DOCK10: variants seen among roughly 807,000 people sequenced by gnomAD.
DOCK10 encodes dedicator of cytokinesis 10.
Under a neutral mutation model 280.1 loss-of-function variants are expected in DOCK10, and 145 were observed. The observed-to-expected ratio is 0.52, with a 90% CI of 0.45 to 0.59. The LOEUF (loss-of-function observed/expected upper bound fraction) is 0.59. Ranked by LOEUF, DOCK10 falls within the 20% of genes least tolerant of loss-of-function variation. The pLI, the probability that DOCK10 is intolerant of heterozygous loss-of-function variation, is 0.00. For missense variants in DOCK10, 2,368 were observed against 2,651.7 expected (o/e 0.89, Z 2.35); for synonymous variants, 915 against 942.2 (o/e 0.97, Z 0.53).
At chr2:224,985,839 T>C (rs1705959893) in intron 1 of DOCK10, among the ~76,000 whole-genome samples, 1 of 145,278 alleles carries the variant, frequency 6.9e-6, no homozygotes, top group African/African-American at 2.9e-5. Flanking sequence ...GCTGTACATG[T>C]TGATATATCC....
chr2:224,885,734 A>G lies in DOCK10; in HGVS notation c.684T>C (p.Asp228=). 6.2e-7 allele frequency: 1 copy of G among 1,613,830 alleles called. No individual in the cohort carries two copies. Among genetic ancestry groups the G allele is most frequent in the Non-Finnish European group, 8.5e-7 (1 of 1,179,814 alleles). The change falls in exon 7 of 56, where the codon GAT becomes GAC. Residue 228 remains aspartate (D), a synonymous_variant. Transcript: ENST00000258390. ...DNSYIMNFYK[D]EKISKEPKGC... ...CTTTGGGTTCTTTGGATATTTTCTC[A>G]TCTTTGTAAAAGTTCATAATGTAGG... is the stretch of plus-strand genomic sequence containing the variant.
chr2:225,015,146 A>G (rs1689555529), intron 1 of DOCK10, among the ~76,000 whole-genome samples: 1 of 152,204 alleles, frequency 6.6e-6, no homozygotes, highest in Admixed American at 6.5e-5. Context: ...AGTGCATGTT[A>G]CAAAGTTTGT....
chr2:225,031,366 C>T (rs1399166629), intron 1 of DOCK10, among the ~76,000 whole-genome samples: 3 of 152,172 alleles, frequency 2.0e-5, no homozygotes, highest in South Asian at 2.1e-4. Context: ...CTCACCATGC[C>T]GCCTTGTGCA....
At chr2:224,958,840 C>T (rs1704201859) in intron 1 of DOCK10, among the ~76,000 whole-genome samples, 1 of 152,148 alleles carries the variant, frequency 6.6e-6, no homozygotes, top group South Asian at 2.1e-4. Flanking sequence ...TTGTGAACAG[C>T]AGAAAAGAGT....
At position 224,988,798 on chromosome 2, in the gene DOCK10, C is replaced by T. The variant is rs114262155; in HGVS notation, c.123+53454G>A. 1.3e-3 allele frequency among the ~76,000 whole-genome samples: 200 copies of T among 152,274 alleles called. 3 individuals carry two copies. Among genetic ancestry groups the T allele is most frequent in the African/African-American group, 4.5e-3 (188 of 41,552 alleles). ...ACCAGTCTTTAATGAATTTGATAAACGAATTTTTTTAAGGTGCTGTGTTTA... is the reference window on the plus strand; with the variant it reads ...ACCAGTCTTTAATGAATTTGATAAATGAATTTTTTTAAGGTGCTGTGTTTA... On this transcript the variant is annotated intron_variant, in intron 1 of 55. Coordinates refer to ENST00000258390, the MANE Select transcript of DOCK10 (RefSeq NM_014689.3).
At position 224,778,463 on chromosome 2, in the gene DOCK10, A is replaced by G. The variant is rs1691036522; in HGVS notation, c.5656-179T>C. ...AAACACAGTGAGAAAATAAAGTATC[A>G]TCTTATAATCAGACATTAATGTAAA... On this transcript the variant is annotated intron_variant, in intron 50 of 55. Coordinates refer to ENST00000258390, the MANE Select transcript of DOCK10 (RefSeq NM_014689.3). 4.4e-6 allele frequency: 3 copies of G among 674,628 alleles called. No homozygotes were observed. The African/African-American group carries it at 5.4e-5, about 12-fold the overall frequency. The allele number at this position is 674,628 out of a possible 1,614,324, so 41.8% of individuals were successfully genotyped here. A position where few individuals can be genotyped will look rare whatever the true frequency, so the allele number is the denominator to read the frequency against.
intron 13 of DOCK10, 144 bp from the exon 14 acceptor site, chr2:224,862,890 A>G (rs1697613478): frequency 2.2e-6 from 1 of 452,850 alleles, no homozygotes; most frequent in Non-Finnish European, 3.8e-6. Context: ...CCTTATAAAG[A>G]GCCAAATGGT....
intron 2 of DOCK10, among the ~76,000 whole-genome samples, chr2:224,921,112 A>AAAAAAAATAT: frequency 5.3e-4 from 29 of 54,410 alleles, no homozygotes; most frequent in African/African-American, 4.2e-3. Flanking sequence ...AAAAAAAAAA[A>AAAAAAAATAT]ATATATATAT....
At chr2:224,767,893 T>C (rs1167764325) in intron 55 of DOCK10, among the ~76,000 whole-genome samples, 2 of 149,862 alleles carry the variant, frequency 1.3e-5, no homozygotes, top group East Asian at 3.9e-4. Context: ...TATTTTGATG[T>C]GTAGCTATCC....
intron 7 of DOCK10, among the ~76,000 whole-genome samples, chr2:224,884,089 T>C (rs766651433): frequency 6.6e-6 from 1 of 152,174 alleles, no homozygotes; most frequent in Admixed American, 6.5e-5. Flanking sequence ...TCCATTAAGG[T>C]CATTATTGCC....
chr2:224,867,534 A>G (rs1449714853), intron 11 of DOCK10, among the ~76,000 whole-genome samples: 1 of 152,188 alleles, frequency 6.6e-6, no homozygotes, highest in Non-Finnish European at 1.5e-5. Context: ...AGATGTGAAA[A>G]TGGGAAAGAT....
chr2:224,773,607 C>T (rs575980690), intron 52 of DOCK10, among the ~76,000 whole-genome samples: 1 of 151,940 alleles, frequency 6.6e-6, no homozygotes, highest in East Asian at 1.9e-4. Context: ...CTGTTTTAGG[C>T]CTTTAGAATT....
intron 1 of DOCK10, among the ~76,000 whole-genome samples, chr2:225,035,585 T>TATATAA (rs1690233931): frequency 9.1e-6 from 1 of 109,500 alleles, no homozygotes; most frequent in Non-Finnish European, 1.7e-5. Context: ...TATATATATA[T>TATATAA]ATAACACTGA....
At chr2:224,826,587 G>T (rs1333800317) in intron 27 of DOCK10, among the ~76,000 whole-genome samples, 1 of 152,040 alleles carries the variant, frequency 6.6e-6, no homozygotes, top group Non-Finnish European at 1.5e-5. Context: ...GAATGCTTTG[G>T]TGTCAAATGA....
At chr2:224,942,702 G>C (rs1043052110) in intron 1 of DOCK10, among the ~76,000 whole-genome samples, 2 of 151,348 alleles carry the variant, frequency 1.3e-5, no homozygotes, top group Non-Finnish European at 2.9e-5. Flanking sequence ...ATGTATATTA[G>C]AGATATGTTA....
chr2:224,923,963 T>C (rs916045589), intron 2 of DOCK10, among the ~76,000 whole-genome samples: 1 of 152,246 alleles, frequency 6.6e-6, no homozygotes, highest in East Asian at 1.9e-4. Context: ...CTGTGTGTTT[T>C]ATTGTTTATA....
rs1328372770 is a variant in DOCK10, at chr2:224,886,512, T to C, written c.436A>G (p.Lys146Glu). 1 of 1,609,260 alleles carries C rather than the reference T, an allele frequency of 6.2e-7. No homozygotes were observed. Among genetic ancestry groups the C allele is most frequent in the Non-Finnish European group, 8.5e-7 (1 of 1,179,434 alleles). The change falls in exon 5 of 56, where the codon AAG becomes GAG. Residue 146 changes from lysine (K) to glutamate (E), a missense_variant. Around this residue, in one of 2 missense-constraint regions of DOCK10, gnomAD observed 1,209 missense variants for 1,250.9 expected, o/e 0.97. Transcript: ENST00000258390. ...ATCTCAAAGGAATGTGAAGGAAGCT[T>C]CTCTGGTTTGTATTCTGCTCTGATA... ...QLPRAEYKPE[K>E]LPSHSFEIDH...
At chr2:224,934,889 C>G (rs548170834) in intron 1 of DOCK10, among the ~76,000 whole-genome samples, 2 of 152,212 alleles carry the variant, frequency 1.3e-5, no homozygotes, top group African/African-American at 4.8e-5. Context: ...ATTTCATTAG[C>G]TGTTCTAAAG....
chr2:224,819,834 A>C (rs1441370825), intron 28 of DOCK10, among the ~76,000 whole-genome samples: 1 of 152,230 alleles, frequency 6.6e-6, no homozygotes, highest in African/African-American at 2.4e-5. Context: ...GCATAAATGA[A>C]TAAAACAAAA....
Sources: gnomAD v4.1 joint callset for allele counts (sites outside exome capture counted in the v4.1 genomes callset) on GRCh38, gnomAD v4.1.1 for gene constraint, gnomAD v4.1.1 regional missense constraint, MANE v1.5 for transcripts, NCBI Gene and HGNC (gene_info 2026-07-23, HGNC 2026-07-21) for gene names.